The following ARHGAP10 variants were observed in gnomAD, a reference collection of about 807,000 sequenced individuals.
ARHGAP10 encodes Rho GTPase activating protein 10, also known as rho GTPase-activating protein 10.
A neutral mutation model predicts 108.6 loss-of-function variants in ARHGAP10; 87 were observed. That is an observed-to-expected ratio of 0.80 (90% confidence interval 0.67 to 0.96). ARHGAP10 has a LOEUF of 0.96. ARHGAP10 is among the 40% of genes least tolerant of loss of function. ARHGAP10 has a pLI of 0.00. For missense variants in ARHGAP10, 939 were observed against 954.5 expected (o/e 0.98, Z 0.21); for synonymous variants, 347 against 341.1 (o/e 1.02, Z -0.19).
chr4:147,811,706 G>C (rs1275127326), intron 1 of ARHGAP10, among the ~76,000 whole-genome samples: 1 of 152,096 alleles, frequency 6.6e-6, no homozygotes, highest in Non-Finnish European at 1.5e-5. Context: ...TTTCATTGAT[G>C]TTTTACAAGT....
intron 19 of ARHGAP10, among the ~76,000 whole-genome samples, chr4:148,040,172 G>A (rs928895616): frequency 6.6e-6 from 1 of 152,154 alleles, no homozygotes; most frequent in African/African-American, 2.4e-5. Context: ...CTTGGGATAG[G>A]CCAAATCATC....
intron 16 of ARHGAP10, among the ~76,000 whole-genome samples, chr4:147,955,817 A>G (rs1409699456): frequency 6.6e-6 from 1 of 152,154 alleles, no homozygotes; most frequent in African/African-American, 2.4e-5. Context: ...ACTCGGATCT[A>G]AATTACAGAC....
chr4:147,945,399 G>A (rs186554130), intron 14 of ARHGAP10, among the ~76,000 whole-genome samples: 287 of 151,998 alleles, frequency 1.9e-3, no homozygotes, highest in African/African-American at 6.2e-3. Context: ...CTTACCATTT[G>A]AAAGGATGTT....
chr4:147,732,603 C>T, intron 1 of ARHGAP10, 148 bp downstream of exon 1: 6 of 1,137,138 alleles, frequency 5.3e-6, no homozygotes, highest in Non-Finnish European at 7.2e-6. Flanking sequence ...TCTCTCGGAA[C>T]CCCGGGGGGT....
intron 19 of ARHGAP10, among the ~76,000 whole-genome samples, chr4:148,037,492 G>A (rs995630537): frequency 5.9e-5 from 9 of 152,122 alleles, no homozygotes. Context: ...TACCACATTT[G>A]AGGAAACAGT....
intron 18 of ARHGAP10, among the ~76,000 whole-genome samples, chr4:148,000,722 C>T (rs1056801470): frequency 5.3e-5 from 8 of 152,116 alleles, no homozygotes; most frequent in Middle Eastern, 3.2e-3. Flanking sequence ...GCATAAATGT[C>T]GTCTTTTGAG....
At chr4:147,959,652 A>G (rs930190859) in intron 16 of ARHGAP10, among the ~76,000 whole-genome samples, 2 of 152,144 alleles carry the variant, frequency 1.3e-5, no homozygotes, top group African/African-American at 4.8e-5. Flanking sequence ...GTTGCTGAGA[A>G]TGATGGTTTC....
chr4:147,760,569 T>TC (rs1729550745), intron 1 of ARHGAP10, among the ~76,000 whole-genome samples: 1 of 152,234 alleles, frequency 6.6e-6, no homozygotes, highest in South Asian at 2.1e-4. Flanking sequence ...GGTTTGTCTG[T>TC]CCCCCAAGTC....
At chr4:147,990,955 G>T (rs1740250554) in intron 18 of ARHGAP10, among the ~76,000 whole-genome samples, 2 of 152,014 alleles carry the variant, frequency 1.3e-5, no homozygotes. Context: ...GGTCGAGGCT[G>T]CAGTGAGCCA....
intron 3 of ARHGAP10, among the ~76,000 whole-genome samples, chr4:147,829,915 C>G (rs1403466543): frequency 6.6e-6 from 1 of 152,102 alleles, no homozygotes; most frequent in Non-Finnish European, 1.5e-5. Flanking sequence ...CCCAGAGGTT[C>G]AGGAAAACTG....
chr4:147,766,816 ATATATATATATATATATATATATT>A (rs70958583), intron 1 of ARHGAP10, among the ~76,000 whole-genome samples: 2,856 of 14,512 alleles, frequency 0.2, 64 homozygotes, highest in South Asian at 0.5. Context: ...ATATATATAT[ATATATATATATATATATATATATT>A]TATTTATTTA....
At chr4:147,766,108 C>A (rs1175914665) in intron 1 of ARHGAP10, among the ~76,000 whole-genome samples, 1 of 151,856 alleles carries the variant, frequency 6.6e-6, no homozygotes, top group Non-Finnish European at 1.5e-5. Flanking sequence ...TGGTGAAACC[C>A]TGTCTTTACT....
intron 4 of ARHGAP10, 51 bp from the exon 5 acceptor site, chr4:147,857,502 C>A: frequency 1.5e-6 from 2 of 1,373,716 alleles, no homozygotes; most frequent in South Asian, 3.1e-5. Context: ...GTGGATTAAC[C>A]ATGTGTATCC....
chr4:147,980,288 G>A (rs1739763334), intron 18 of ARHGAP10, among the ~76,000 whole-genome samples: 1 of 151,890 alleles, frequency 6.6e-6, no homozygotes, highest in Admixed American at 6.6e-5. Context: ...TGTGTCTATT[G>A]AGATGATCAT....
At chr4:147,906,883 A>G (rs11734553) in intron 11 of ARHGAP10, among the ~76,000 whole-genome samples, 164 bp downstream of exon 11, 106,544 of 152,176 alleles carry the variant, frequency 0.7, 43,505 homozygotes, top group Non-Finnish European at 0.91. Flanking sequence ...TGGGTTGGGC[A>G]AGCAGCAGTA....
chr4:148,054,928 T>G (rs1307939042), intron 20 of ARHGAP10, among the ~76,000 whole-genome samples: 2 of 152,222 alleles, frequency 1.3e-5, no homozygotes, highest in Non-Finnish European at 2.9e-5. Context: ...GCCTTCACAT[T>G]GGGTGGCAGC....
At chr4:147,998,478 C>T (rs570517916) in intron 18 of ARHGAP10, among the ~76,000 whole-genome samples, 1 of 152,342 alleles carries the variant, frequency 6.6e-6, no homozygotes, top group African/African-American at 2.4e-5. Context: ...AGGAAAACTG[C>T]AAATTCTTTT....
intron 3 of ARHGAP10, among the ~76,000 whole-genome samples, chr4:147,842,200 G>A (rs751618716): frequency 2.6e-5 from 4 of 152,104 alleles, no homozygotes; most frequent in Admixed American, 6.6e-5. Context: ...CTCCAAAAGC[G>A]CTAGGGTTAT....
chr4:148,023,053 A>G, intron 18 of ARHGAP10: 1 of 487,354 alleles, frequency 2.1e-6, no homozygotes, highest in Non-Finnish European at 3.6e-6. Flanking sequence ...TGTTGTTTTG[A>G]TTTAAATTTA....
Sources: allele counts gnomAD v4.1 joint callset (sites outside exome capture counted in the v4.1 genomes callset), GRCh38; gene constraint gnomAD v4.1.1; transcripts MANE v1.5; gene names NCBI Gene and HGNC (gene_info 2026-07-23, HGNC 2026-07-21).